ADIPOQ: variants seen among roughly 807,000 people sequenced by gnomAD.
ADIPOQ encodes the protein adiponectin, C1Q and collagen domain containing, also known as adiponectin.
ADIPOQ carries 19 observed loss-of-function variants against 16.1 expected under a neutral mutation model. The ratio of observed to expected loss-of-function variants is 1.18; its 90% CI spans 0.82 to 1.73. ADIPOQ has a LOEUF of 1.73. Ranked by LOEUF, ADIPOQ falls within the 40% of genes most tolerant of loss-of-function variation. The pLI, the probability that ADIPOQ is intolerant of heterozygous loss-of-function variation, is 0.00. For synonymous variants in ADIPOQ, 124 were observed against 125.5 expected (o/e 0.99, Z 0.08); for missense variants, 323 against 308.3 (o/e 1.05, Z -0.36).
chr3:186,850,162 T>C (rs529443153), intron 1 of ADIPOQ, among the ~76,000 whole-genome samples: 16 of 149,878 alleles, frequency 1.1e-4, no homozygotes, highest in Admixed American at 2.7e-4. Context: ...CTCAGCTACT[T>C]GGGAGGCTAA....
Position 186,854,862 on chromosome 3 carries a change from T to TA in ADIPOQ, c.*165dup, listed in dbSNP as rs1481816299. Reference sequence around the variant, plus strand: ...TATTCATTCATTCATCGAGTAACTTTAAAAAAATCATATGCTATGTTCCCA... The same window carrying TA: ...TATTCATTCATTCATCGAGTAACTTTAAAAAAAATCATATGCTATGTTCCCA... On this transcript the variant is annotated 3_prime_UTR_variant, in exon 3 of 3. Coordinates refer to ENST00000320741, the MANE Select transcript of ADIPOQ (RefSeq NM_004797.4). 8 of 1,084,020 alleles carry TA rather than the reference T, an allele frequency of 7.4e-6. No homozygotes were observed. The highest frequency in any genetic ancestry group is 1.1e-5 in the Non-Finnish European group (8 of 750,524). 67.2% of individuals were successfully genotyped at this position (1,084,020 alleles called of 1,614,324 possible).
At chr3:186,849,383 C>T (rs1241628625) in intron 1 of ADIPOQ, among the ~76,000 whole-genome samples, 2 of 152,206 alleles carry the variant, frequency 1.3e-5, no homozygotes, top group East Asian at 3.8e-4. Flanking sequence ...TGTAAAGTCT[C>T]AGAACAAGAA....
chr3:186,844,297 G>A (rs903151901), intron 1 of ADIPOQ, among the ~76,000 whole-genome samples: 11 of 151,974 alleles, frequency 7.2e-5, no homozygotes, highest in Non-Finnish European at 1.2e-4. Flanking sequence ...ACAGGCATGC[G>A]CCACCACGCC....
chr3:186,850,085 A>G (rs1711696652), intron 1 of ADIPOQ, among the ~76,000 whole-genome samples: 1 of 152,148 alleles, frequency 6.6e-6, no homozygotes, highest in South Asian at 2.1e-4. Flanking sequence ...CCTGGCCAAC[A>G]TGGTGAAACC....
intron 1 of ADIPOQ, among the ~76,000 whole-genome samples, chr3:186,847,397 T>G (rs538595271): frequency 2.3e-4 from 35 of 152,382 alleles, no homozygotes; most frequent in African/African-American, 7.9e-4. Flanking sequence ...ATCCCTTTGT[T>G]TTATAAAAAG....
chr3:186,848,520 A>C (rs1292808789), intron 1 of ADIPOQ, among the ~76,000 whole-genome samples: 1 of 152,188 alleles, frequency 6.6e-6, no homozygotes. Flanking sequence ...AAAGCATGAC[A>C]CGGAGCTTCT....
chr3:186,852,402 T>G (rs2036373), intron 1 of ADIPOQ: 8,762 of 153,140 alleles, frequency 0.057, 260 homozygotes, highest in Non-Finnish European at 0.063. Flanking sequence ...GGGGATATGT[T>G]CATGGGATGA....
intron 1 of ADIPOQ, among the ~76,000 whole-genome samples, chr3:186,849,220 A>G (rs563599685): frequency 6.6e-6 from 1 of 152,320 alleles, no homozygotes; most frequent in East Asian, 1.9e-4. Flanking sequence ...CCTGTTTCCC[A>G]GCAGAAAAGG....
intron 2 of ADIPOQ, 175 bp from the exon 3 acceptor site, chr3:186,854,009 G>A: frequency 3.1e-6 from 2 of 639,140 alleles, no homozygotes; most frequent in Non-Finnish European, 5.4e-6. Flanking sequence ...CCATGTCTGT[G>A]GGAGATATAG....
At chr3:186,853,467 T>G (rs1002025046) in intron 2 of ADIPOQ, among the ~76,000 whole-genome samples, 195 bp downstream of exon 2, 7 of 151,868 alleles carry the variant, frequency 4.6e-5, no homozygotes, top group African/African-American at 1.7e-4. Flanking sequence ...ACCAAGACTT[T>G]GGCTTTGCTG....
intron 1 of ADIPOQ, among the ~76,000 whole-genome samples, chr3:186,846,320 C>G (rs1328153766): frequency 6.6e-6 from 1 of 152,014 alleles, no homozygotes; most frequent in African/African-American, 2.4e-5. Context: ...CAAATTCCGC[C>G]TCCCAGGCTC....
chr3:186,845,380 A>T (rs11711059), intron 1 of ADIPOQ, among the ~76,000 whole-genome samples: 18 of 151,552 alleles, frequency 1.2e-4, no homozygotes, highest in Non-Finnish European at 2.2e-4. Context: ...TTTTATTTTT[A>T]TTTTTTTTGA....
In ADIPOQ at chr3:186,854,722, C is replaced by G; in HGVS notation, c.*18C>G. 1 of 1,613,730 alleles carries G rather than the reference C, an allele frequency of 6.2e-7. No individual in the cohort carries two copies. Among genetic ancestry groups the G allele is most frequent in the Non-Finnish European group, 8.5e-7 (1 of 1,179,976 alleles). On this transcript the variant is annotated 3_prime_UTR_variant, in exon 3 of 3. Transcript: ENST00000320741. ...CCAACTGATCACCACTAACTCAGAG[C>G]CTCCTCCAGGCCAAACAGCCCCAAA... is the stretch of plus-strand genomic sequence containing the variant.
Position 186,853,045 on chromosome 3 carries a change from T to G in ADIPOQ, c.-8-6T>G. The G allele has an allele frequency of 1.2e-6, 2 of 1,614,160 alleles. No homozygotes were observed. Among genetic ancestry groups the G allele is most frequent in the Non-Finnish European group, 8.5e-7 (1 of 1,180,012 alleles). On this transcript the variant is annotated splice_region_variant and splice_polypyrimidine_tract_variant and intron_variant, in intron 1 of 2. Transcript: ENST00000320741. ...CCATGGCTGACAGTGCACATGTGGA[T>G]TCCAGGGCTCAGGATGCTGTTGCTG...
Position 186,854,286 on chromosome 3 carries a change from A to G in ADIPOQ, c.317A>G (p.Glu106Gly), listed in dbSNP as rs908207307. Residue 106 changes from glutamate (E) to glycine (G), a missense_variant, in exon 3 of 3, where the codon GAA becomes GGA. By Grantham distance (98) the Glu-to-Gly change is moderately conservative. Coordinates refer to ENST00000320741, the MANE Select transcript of ADIPOQ (RefSeq NM_004797.4). ...GIQGRKGEPG[E>G]GAYVYRSAFS... ...CAAGGCAGGAAAGGAGAACCTGGAGAAGGTGCCTATGTATACCGCTCAGCA... is the reference window on the plus strand; with the variant it reads ...CAAGGCAGGAAAGGAGAACCTGGAGGAGGTGCCTATGTATACCGCTCAGCA... 6.2e-7 allele frequency: 1 copy of G among 1,614,096 alleles called. No individual in the cohort carries two copies. Among genetic ancestry groups the G allele is most frequent in the Non-Finnish European group, 8.5e-7 (1 of 1,179,946 alleles).
In ADIPOQ at chr3:186,854,839, T is replaced by C; in HGVS notation, c.*135T>C. Reference sequence around the variant, plus strand: ...ATTCATTCATTTACTCATTCATTTATTCATTCATTCATCGAGTAACTTTAA... The same window carrying C: ...ATTCATTCATTTACTCATTCATTTACTCATTCATTCATCGAGTAACTTTAA... On this transcript the variant is annotated 3_prime_UTR_variant, in exon 3 of 3. Transcript: ENST00000320741. 1 of 1,269,348 alleles carries C rather than the reference T, an allele frequency of 7.9e-7. No individual in the cohort carries two copies. Among genetic ancestry groups the C allele is most frequent in the Non-Finnish European group, 1.1e-6 (1 of 898,988 alleles). The allele number at this position is 1,269,348 out of a possible 1,614,324, so 78.6% of individuals were successfully genotyped here.
At position 186,854,208 on chromosome 3, in the gene ADIPOQ, T is replaced by C; in HGVS notation, c.239T>C (p.Ile80Thr). ...GGTCTTATTGGTCCTAAGGGAGACA[T>C]CGGTGAAACCGGAGTACCCGGGGCT... is the stretch of plus-strand genomic sequence containing the variant. ...DPGLIGPKGD[I>T]GETGVPGAEG... Residue 80 changes from isoleucine to threonine, a missense_variant, in exon 3 of 3, where the codon ATC becomes ACC. Ile to Thr is a moderately conservative substitution (Grantham distance 89, BLOSUM62 -1). Coordinates refer to ENST00000320741, the MANE Select transcript of ADIPOQ (RefSeq NM_004797.4). 6.2e-7 allele frequency: 1 copy of C among 1,613,452 alleles called. No homozygotes were observed. Among genetic ancestry groups the C allele is most frequent in the Non-Finnish European group, 8.5e-7 (1 of 1,179,552 alleles).
In ADIPOQ at chr3:186,856,340, T is replaced by G. The variant is rs1712001618; in HGVS notation, c.*1636T>G. 1 of 152,248 alleles carries G rather than the reference T, an allele frequency of 6.6e-6. No individual in the cohort carries two copies. The highest frequency in any genetic ancestry group is 2.4e-5 in the African/African-American group (1 of 41,468). 9.4% of individuals were successfully genotyped at this position (152,248 alleles called of 1,614,324 possible). The stretch of plus-strand genomic sequence containing the variant: ...ATAGCATTCTCTATCAATATATAAA[T>G]TTAAAAAACTATCTTTTTGCTTACA... On this transcript the variant is annotated 3_prime_UTR_variant, in exon 3 of 3. Transcript: ENST00000320741.
chr3:186,843,660 C>CAAAAAAAA (rs35615373), intron 1 of ADIPOQ, among the ~76,000 whole-genome samples: 1 of 126,742 alleles, frequency 7.9e-6, no homozygotes, highest in African/African-American at 3.0e-5. Context: ...GACTTTGTGT[C>CAAAAAAAA]AAAAAAAAAA....
Sources: gnomAD v4.1 joint callset for allele counts (sites outside exome capture counted in the v4.1 genomes callset) on GRCh38, gnomAD v4.1.1 for gene constraint, MANE v1.5 for transcripts, NCBI Gene and HGNC (gene_info 2026-07-23, HGNC 2026-07-21) for gene names.